Variants in EFNA5 observed in about 807,000 individuals in gnomAD.
EFNA5 encodes the protein ephrin-A5.
Under a neutral mutation model 22.9 loss-of-function variants are expected in EFNA5, and 5 were observed. The ratio of observed to expected loss-of-function variants is 0.22; its 90% CI spans 0.11 to 0.46. The LOEUF (loss-of-function observed/expected upper bound fraction) is 0.46. Among genes scored for constraint, EFNA5 ranks in the 20% least tolerant of loss-of-function variants. EFNA5 has a pLI of 0.99. For synonymous variants in EFNA5, 113 were observed against 112.2 expected (o/e 1.01, Z -0.04); for missense variants, 237 against 293.3 (o/e 0.81, Z 1.40).
At chr5:107,645,917 G>A (rs71575450) in intron 1 of EFNA5, among the ~76,000 whole-genome samples, 6,732 of 152,248 alleles carry the variant, frequency 0.044, 210 homozygotes, top group Non-Finnish European at 0.07. Flanking sequence ...TTTTGCCATC[G>A]TCAATCTATC....
intron 2 of EFNA5, among the ~76,000 whole-genome samples, chr5:107,411,687 A>T (rs967510578): frequency 6.6e-6 from 1 of 152,202 alleles, no homozygotes; most frequent in African/African-American, 2.4e-5. Context: ...TTGGTTGCCC[A>T]GGCTGGAGTG....
intron 1 of EFNA5, among the ~76,000 whole-genome samples, chr5:107,486,193 A>G (rs1243026907): frequency 6.6e-6 from 1 of 152,232 alleles, no homozygotes; most frequent in East Asian, 1.9e-4. Context: ...GGAAAAAACA[A>G]ATCAGATGAT....
intron 1 of EFNA5, among the ~76,000 whole-genome samples, chr5:107,655,959 G>A (rs1229529013): frequency 6.6e-6 from 1 of 152,126 alleles, no homozygotes; most frequent in East Asian, 1.9e-4. Flanking sequence ...AGCGTCAAGA[G>A]GTTAAACCCT....
chr5:107,434,442 GTTCA>G (rs1749055731), intron 1 of EFNA5, among the ~76,000 whole-genome samples: 1 of 152,168 alleles, frequency 6.6e-6, no homozygotes, highest in Non-Finnish European at 1.5e-5. Flanking sequence ...CCTTCTCTGA[GTTCA>G]TCTTTAGCCA....
At chr5:107,609,642 A>T (rs1749788626) in intron 1 of EFNA5, among the ~76,000 whole-genome samples, 1 of 151,844 alleles carries the variant, frequency 6.6e-6, no homozygotes, top group African/African-American at 2.4e-5. Context: ...TGCGTCCACC[A>T]CTCCATCCAC....
intron 1 of EFNA5, among the ~76,000 whole-genome samples, chr5:107,443,736 G>A (rs560949966): frequency 7.2e-5 from 11 of 152,082 alleles, no homozygotes; most frequent in Non-Finnish European, 1.5e-4. Flanking sequence ...GGGAGGGAGA[G>A]CATTAGGAAA....
chr5:107,612,794 G>C (rs979879609), intron 1 of EFNA5, among the ~76,000 whole-genome samples: 20 of 151,750 alleles, frequency 1.3e-4, no homozygotes, highest in African/African-American at 4.3e-4. Flanking sequence ...GCTGAGAATG[G>C]AACAGAGTCA....
At chr5:107,420,999 TTC>T (rs1260095861) in intron 2 of EFNA5, among the ~76,000 whole-genome samples, 1 of 152,220 alleles carries the variant, frequency 6.6e-6, no homozygotes, top group East Asian at 1.9e-4. Flanking sequence ...TTCAAATTAG[TTC>T]TGTTTTACTA....
At position 107,664,836 on chromosome 5, in the gene EFNA5, T is replaced by G. The variant is rs183570744; in HGVS notation, c.125+5653A>C. Among the ~76,000 whole-genome samples, 581 of 152,296 alleles carry G rather than the reference T, an allele frequency of 3.8e-3. 12 individuals are homozygous for G. Among genetic ancestry groups the G allele is most frequent in the Non-Finnish European group, 8.2e-4 (56 of 68,024 alleles). On this transcript the variant is annotated intron_variant, in intron 1 of 4. Transcript: ENST00000333274. The stretch of plus-strand genomic sequence containing the variant: ...GCTATTTTAACAGTTTGTATACTGC[T>G]TCTGAAAAGAAAATTGATAATATAG...
chr5:107,606,047 C>A (rs1191874712), intron 1 of EFNA5, among the ~76,000 whole-genome samples: 1 of 152,176 alleles, frequency 6.6e-6, no homozygotes, highest in Non-Finnish European at 1.5e-5. Context: ...GAATAGCACT[C>A]AACAGGGCCC....
intron 1 of EFNA5, among the ~76,000 whole-genome samples, chr5:107,614,968 T>C (rs1159383075): frequency 6.6e-6 from 1 of 152,188 alleles, no homozygotes; most frequent in Non-Finnish European, 1.5e-5. Flanking sequence ...CTTTATCTTG[T>C]TCTATTTTAA....
intron 1 of EFNA5, among the ~76,000 whole-genome samples, chr5:107,634,759 C>A (rs1750336828): frequency 8.7e-6 from 1 of 114,782 alleles, no homozygotes; most frequent in African/African-American, 2.7e-5. Flanking sequence ...AGATAACTGT[C>A]TCAAGTCTAT....
Position 107,427,151 on chromosome 5 carries a change from A to T in EFNA5, c.418+66T>A, listed in dbSNP as rs779458366. 14 of 1,567,662 alleles carry T rather than the reference A, an allele frequency of 8.9e-6. No homozygotes were observed. The South Asian group carries it at 1.6e-4, about 18-fold the overall frequency. On this transcript the variant is annotated intron_variant, in intron 2 of 4. Transcript: ENST00000333274. ...CCAGCTCTCTGCAATTCTCTGAAAC[A>T]TGGGTAAAAAATTAGTCTGGGTTCT...
intron 1 of EFNA5, among the ~76,000 whole-genome samples, chr5:107,440,845 T>G (rs1384336547): frequency 1.3e-5 from 2 of 152,190 alleles, no homozygotes; most frequent in African/African-American, 4.8e-5. Context: ...AGAATCTGTA[T>G]GCTATGTGAT....
intron 1 of EFNA5, among the ~76,000 whole-genome samples, chr5:107,558,717 C>A (rs937854721): frequency 6.6e-6 from 1 of 152,182 alleles, no homozygotes; most frequent in Non-Finnish European, 1.5e-5. Flanking sequence ...GACCTAATTA[C>A]GTCTGGACTT....
intron 1 of EFNA5, among the ~76,000 whole-genome samples, chr5:107,602,496 G>A (rs754417810): frequency 1.5e-4 from 23 of 152,130 alleles, no homozygotes; most frequent in Non-Finnish European, 1.2e-4. Context: ...CCAACAATTA[G>A]GAAACCCAGA....
chr5:107,469,981 G>A (rs777206480), intron 1 of EFNA5, among the ~76,000 whole-genome samples: 13 of 152,048 alleles, frequency 8.5e-5, no homozygotes, highest in Non-Finnish European at 1.9e-4. Flanking sequence ...GTGTTAATGC[G>A]AACACCGTTA....
intron 1 of EFNA5, among the ~76,000 whole-genome samples, chr5:107,465,556 G>T (rs1039563098): frequency 6.6e-6 from 1 of 152,114 alleles, no homozygotes; most frequent in South Asian, 2.1e-4. Context: ...ATGGAGTGAT[G>T]ACAGTTAGCT....
intron 1 of EFNA5, among the ~76,000 whole-genome samples, chr5:107,460,710 G>C (rs539585781): frequency 6.6e-6 from 1 of 152,274 alleles, no homozygotes; most frequent in South Asian, 2.1e-4. Flanking sequence ...AGAAGAGAGG[G>C]AGAAGACAAA....
Sources: allele counts gnomAD v4.1 joint callset (sites outside exome capture counted in the v4.1 genomes callset), GRCh38; gene constraint gnomAD v4.1.1; transcripts MANE v1.5; gene names NCBI Gene and HGNC (gene_info 2026-07-23, HGNC 2026-07-21).